UNC13B: variants seen among roughly 807,000 people sequenced by gnomAD.
UNC13B encodes the protein protein unc-13 homolog B.
In UNC13B, 144 loss-of-function variants were observed where a neutral mutation model predicts 211.0. The ratio of observed to expected loss-of-function variants is 0.68; its 90% confidence interval spans 0.60 to 0.78. UNC13B has a LOEUF of 0.78. Ranked by LOEUF, UNC13B falls within the 30% of genes least tolerant of loss-of-function variation. The probability of loss-of-function intolerance (pLI) is 0.00; values close to 1 mark genes in which losing one functional copy is unlikely to be tolerated. For missense variants in UNC13B, 1,777 were observed against 2,002.0 expected (o/e 0.89, Z 2.14); for synonymous variants, 709 against 725.8 (o/e 0.98, Z 0.37).
At chr9:35,396,069 A>G (rs1835853272) in intron 26 of UNC13B, among the ~76,000 whole-genome samples, 1 of 152,132 alleles carries the variant, frequency 6.6e-6, no homozygotes, top group African/African-American at 2.4e-5. Context: ...TGTCTGAAGG[A>G]TGACTCAGCT....
intron 7 of UNC13B, among the ~76,000 whole-genome samples, chr9:35,262,010 C>A (rs1244624318): frequency 3.9e-5 from 6 of 151,992 alleles, no homozygotes; most frequent in Non-Finnish European, 7.4e-5. Context: ...CTACATTTTC[C>A]TTTTCCATTC....
At chr9:35,379,906 G>C (rs1228172850) in intron 17 of UNC13B, among the ~76,000 whole-genome samples, 1 of 152,108 alleles carries the variant, frequency 6.6e-6, no homozygotes, top group Non-Finnish European at 1.5e-5. Flanking sequence ...ACAAGACCTG[G>C]GAAAACTCCT....
Position 35,363,202 on chromosome 9 carries a change from C to T in UNC13B, c.9415-3745C>T, listed in dbSNP as rs527518945. Among the ~76,000 whole-genome samples, 22 of 152,284 alleles carry T rather than the reference C, an allele frequency of 1.4e-4. No homozygotes were observed. In the East Asian group the frequency reaches 2.5e-3, roughly 17 times the overall value. On this transcript the variant is annotated intron_variant, in intron 11 of 39. Transcript: ENST00000635942. ...CAGATCATGGAGAGCCGTGACGGCTCTGTCAATGGATTGATTTGATTTTAA... is the reference window on the plus strand; with the variant it reads ...CAGATCATGGAGAGCCGTGACGGCTTTGTCAATGGATTGATTTGATTTTAA...
At chr9:35,290,377 C>T (rs1484753654) in intron 7 of UNC13B, among the ~76,000 whole-genome samples, 3 of 151,418 alleles carry the variant, frequency 2.0e-5, no homozygotes, top group African/African-American at 4.8e-5. Context: ...AGATCTCTGT[C>T]TCTAAGAAAC....
At chr9:35,179,356 AT>A (rs1821809446) in intron 1 of UNC13B, among the ~76,000 whole-genome samples, 1 of 152,196 alleles carries the variant, frequency 6.6e-6, no homozygotes, top group African/African-American at 2.4e-5. Context: ...TTCATAAAAA[AT>A]AAAAGGAGTT....
Position 35,306,612 on chromosome 9 carries a change from C to G in UNC13B, c.7208C>G (p.Thr2403Ser), listed in dbSNP as rs947430643. The G allele has an allele frequency of 1.8e-5, 7 of 398,930 alleles. No homozygotes were observed. Among genetic ancestry groups the G allele is most frequent in the African/African-American group, 1.4e-4 (7 of 48,632 alleles). The allele number at this position is 398,930 out of a possible 1,614,324, so 24.7% of individuals were successfully genotyped here. Residue 2403 changes from threonine to serine, a missense_variant, in exon 9 of 40, where the codon ACT becomes AGT. Transcript: ENST00000635942. ...TGCCACCAAAATGAGAAATTTACTA[C>G]TGACCCAGTGAACTTGCCATTAGAA... ...TNCHQNEKFT[T>S]DPVNLPLEKA... is the part of the protein sequence containing the mutation.
intron 3 of UNC13B, among the ~76,000 whole-genome samples, chr9:35,235,817 CA>C (rs1200400532): frequency 6.6e-6 from 1 of 152,098 alleles, no homozygotes; most frequent in Non-Finnish European, 1.5e-5. Flanking sequence ...TGTTAGTTAA[CA>C]ATAAAACATA....
intron 11 of UNC13B, among the ~76,000 whole-genome samples, chr9:35,326,549 C>A (rs1386077586): frequency 6.6e-6 from 1 of 152,100 alleles, no homozygotes; most frequent in Non-Finnish European, 1.5e-5. Flanking sequence ...CCACACCTGG[C>A]TAAGTTTCTA....
intron 7 of UNC13B, among the ~76,000 whole-genome samples, chr9:35,280,822 A>C (rs540757052): frequency 1.3e-5 from 2 of 152,312 alleles, no homozygotes; most frequent in South Asian, 4.1e-4. Flanking sequence ...ACTTATTATA[A>C]TTTATGTTCA....
intron 1 of UNC13B, among the ~76,000 whole-genome samples, chr9:35,180,942 A>AC (rs1821903477): frequency 6.6e-6 from 1 of 151,190 alleles, no homozygotes; most frequent in East Asian, 2.0e-4. Flanking sequence ...AAAAAAAAAA[A>AC]AATGCTGGAT....
intron 7 of UNC13B, among the ~76,000 whole-genome samples, chr9:35,260,038 CAAAAA>C (rs61273217): frequency 1.5e-5 from 1 of 64,802 alleles, no homozygotes; most frequent in Non-Finnish European, 2.5e-5. Flanking sequence ...CTCATTTCTA[CAAAAA>C]AAAAAAAAAA....
rs1245208495 is a variant in UNC13B, at chr9:35,378,340, G to A, written c.10109G>A (p.Ser3370Asn). Residue 3370 changes from serine to asparagine, a missense_variant, in exon 17 of 40, where the codon AGT (serine) becomes AAT (asparagine). By Grantham distance (46) the Ser-to-Asn change is conservative. Coordinates refer to ENST00000635942, the MANE Select transcript of UNC13B (RefSeq NM_001371189.2). ...CAAGCCAAGGACAAAACAGGATCCAGTGACCCTTACGTGACTGTGCAAGTC... is the reference window on the plus strand; with the variant it reads ...CAAGCCAAGGACAAAACAGGATCCAATGACCCTTACGTGACTGTGCAAGTC... ...GLQAKDKTGS[S>N]DPYVTVQVSK... 1.9e-6 allele frequency: 3 copies of A among 1,614,184 alleles called. No homozygotes were observed. Among genetic ancestry groups the A allele is most frequent in the Non-Finnish European group, 2.5e-6 (3 of 1,180,024 alleles).
chr9:35,257,182 GGT>G (rs1826927347), intron 6 of UNC13B, among the ~76,000 whole-genome samples: 4 of 151,316 alleles, frequency 2.6e-5, no homozygotes, highest in African/African-American at 9.7e-5. Context: ...AACCTGGCTG[GGT>G]GCAGTGGCTC....
chr9:35,255,419 G>A (rs915190714), intron 6 of UNC13B, among the ~76,000 whole-genome samples: 4 of 151,956 alleles, frequency 2.6e-5, no homozygotes, highest in Non-Finnish European at 5.9e-5. Flanking sequence ...TGAAGACAGG[G>A]GAACTGCAGA....
At position 35,376,104 on chromosome 9, in the gene UNC13B, T is replaced by C; in HGVS notation, c.9692T>C (p.Val3231Ala). ...ISCTTPHNFE[V>A]WTATTPTYCY... ...TGCACCACTCCTCATAACTTTGAGG[T>C]CTGGACGGCCACTACCCCAACCTAC... is the stretch of plus-strand genomic sequence containing the variant. The change falls in exon 15 of 40, where the codon GTC becomes GCC. Residue 3231 changes from valine (V) to alanine (A), a missense_variant. By Grantham distance (64) the Val-to-Ala change is moderately conservative. Coordinates refer to ENST00000635942, the MANE Select transcript of UNC13B (RefSeq NM_001371189.2). The C allele has an allele frequency of 6.2e-7, 1 of 1,614,250 alleles. No individual in the cohort carries two copies.
At chr9:35,209,754 C>A (rs1823865479) in intron 1 of UNC13B, among the ~76,000 whole-genome samples, 1 of 152,190 alleles carries the variant, frequency 6.6e-6, no homozygotes, top group African/African-American at 2.4e-5. Context: ...TTTTCTACCC[C>A]CTTCTTTTCC....
At chr9:35,342,757 C>G (rs1000935778) in intron 11 of UNC13B, among the ~76,000 whole-genome samples, 14 of 152,198 alleles carry the variant, frequency 9.2e-5, no homozygotes. Flanking sequence ...TATGAATATG[C>G]AAAATTCGTC....
At position 35,308,075 on chromosome 9, in the gene UNC13B, A is replaced by T. The variant is rs1293465305; in HGVS notation, c.8671A>T (p.Ser2891Cys). ...GAAGTCTTCTCAAATATCTGGGGCC[A>T]GTGCTCAGCCAGGTAAAGTCTACAC... ...ALKSSQISGA[S>C]AQPGKVYTQP... The change falls in exon 9 of 40, where the codon AGT becomes TGT. Residue 2891 changes from serine (S) to cysteine (C), a missense_variant. By Grantham distance (112) the Ser-to-Cys change is moderately radical (BLOSUM62 -1). Transcript: ENST00000635942. 11 of 399,092 alleles carry T rather than the reference A, an allele frequency of 2.8e-5. No homozygotes were observed. The highest frequency in any genetic ancestry group is 4.4e-5 in the Non-Finnish European group (10 of 226,248). 24.7% of individuals were successfully genotyped at this position (399,092 alleles called of 1,614,324 possible). A position where few individuals can be genotyped will look rare whatever the true frequency, so the allele number is the denominator to read the frequency against.
chr9:35,313,868 T>G (rs748564611), intron 10 of UNC13B, 31 bp from the exon 11 acceptor site: 1 of 1,580,682 alleles, frequency 6.3e-7, no homozygotes, highest in Non-Finnish European at 8.7e-7. Flanking sequence ...CTTGGCTATT[T>G]TTAAGAAATG....
Sources: gnomAD v4.1 joint callset for allele counts (sites outside exome capture counted in the v4.1 genomes callset) on GRCh38, gnomAD v4.1.1 for gene constraint, MANE v1.5 for transcripts, NCBI Gene and HGNC (gene_info 2026-07-23, HGNC 2026-07-21) for gene names.